Variants in CHN2 observed in about 807,000 individuals in gnomAD.
CHN2 encodes chimerin 2, also known as beta-chimaerin.
A neutral mutation model predicts 56.3 loss-of-function variants in CHN2; 35 were observed. The ratio of observed to expected loss-of-function variants is 0.62; its 90% confidence interval spans 0.47 to 0.82. CHN2 has a LOEUF of 0.82. Among genes scored for constraint, CHN2 ranks in the 40% least tolerant of loss-of-function variants. The pLI, the probability that CHN2 is intolerant of heterozygous loss-of-function variation, is 0.00. For missense variants in CHN2, 491 were observed against 580.5 expected, an observed-to-expected ratio of 0.85 and a Z score of 1.58; for synonymous variants, 210 against 212.8, an observed-to-expected ratio of 0.99 and a Z score of 0.12.
chr7:29,259,768 T>A (rs1328936691), intron 1 of CHN2, among the ~76,000 whole-genome samples: 1 of 152,170 alleles, frequency 6.6e-6, no homozygotes, highest in Non-Finnish European at 1.5e-5. Context: ...TGAGGATGTG[T>A]TAATTAATTT....
intron 1 of CHN2, among the ~76,000 whole-genome samples, chr7:29,245,048 C>T (rs1007634159): frequency 2.6e-5 from 4 of 152,164 alleles, no homozygotes; most frequent in Non-Finnish European, 5.9e-5. Context: ...TTTCCTGTAT[C>T]GATTTCTTCA....
intron 1 of CHN2, among the ~76,000 whole-genome samples, chr7:29,242,526 A>G (rs73684632): frequency 0.014 from 2,116 of 151,690 alleles, 42 homozygotes; most frequent in African/African-American, 0.047. Context: ...TGGGCTTCTC[A>G]GTTTTTTACG....
chr7:29,273,349 A>ATATATATATATATATATATGTG (rs1790852466), intron 1 of CHN2, among the ~76,000 whole-genome samples: 1 of 58,514 alleles, frequency 1.7e-5, no homozygotes, highest in Non-Finnish European at 3.2e-5. Flanking sequence ...ATGTGTATAT[A>ATATATATATATATATATATGTG]TATATATATA....
intron 1 of CHN2, among the ~76,000 whole-genome samples, chr7:29,288,003 T>C (rs767275200): frequency 5.9e-5 from 9 of 152,234 alleles, no homozygotes; most frequent in Non-Finnish European, 1.2e-4. Flanking sequence ...ATAACAAGCA[T>C]ATACTTTATG....
chr7:29,156,328 C>G (rs1197552873), intron 2 of CHN2, among the ~76,000 whole-genome samples: 1 of 152,074 alleles, frequency 6.6e-6, no homozygotes, highest in Admixed American at 6.6e-5. Context: ...GATTAAATGC[C>G]AAAATTAAGC....
intron 6 of CHN2, among the ~76,000 whole-genome samples, chr7:29,456,616 C>G (rs13221327): frequency 7.9e-6 from 1 of 126,836 alleles, no homozygotes; most frequent in African/African-American, 3.0e-5. Context: ...CCCGCCCCCT[C>G]CCCCCCACCA....
At chr7:29,431,349 C>G (rs1296418644) in intron 6 of CHN2, among the ~76,000 whole-genome samples, 5 of 152,216 alleles carry the variant, frequency 3.3e-5, no homozygotes, top group Non-Finnish European at 7.3e-5. Context: ...TAAATCTCTC[C>G]TCCCTTAGCC....
At chr7:29,185,033 T>G (rs1271744912) in intron 2 of CHN2, among the ~76,000 whole-genome samples, 1 of 152,202 alleles carries the variant, frequency 6.6e-6, no homozygotes, top group African/African-American at 2.4e-5. Context: ...CTGTCCAAGC[T>G]GAGGGTTTTA....
chr7:29,308,215 C>T (rs1222171274), intron 1 of CHN2, among the ~76,000 whole-genome samples: 2 of 152,178 alleles, frequency 1.3e-5, no homozygotes, highest in Non-Finnish European at 2.9e-5. Context: ...AGCTCCCACT[C>T]CTCCAGCTGT....
intron 1 of CHN2, among the ~76,000 whole-genome samples, chr7:29,257,277 C>T (rs1789148023): frequency 2.0e-5 from 3 of 152,164 alleles, no homozygotes; most frequent in Admixed American, 2.0e-4. Flanking sequence ...TTGGTCACAC[C>T]ACTGTGTCCT....
At chr7:29,507,061 A>G (rs1469038169) in intron 10 of CHN2, among the ~76,000 whole-genome samples, 167 bp from the exon 11 acceptor site, 1 of 152,094 alleles carries the variant, frequency 6.6e-6, no homozygotes, top group East Asian at 1.9e-4. Context: ...CCTCTCACCA[A>G]ACTCCTTTCT....
At chr7:29,150,758 G>T (rs1203035333) in intron 2 of CHN2, among the ~76,000 whole-genome samples, 2 of 152,210 alleles carry the variant, frequency 1.3e-5, no homozygotes, top group African/African-American at 4.8e-5. Context: ...TATAGCCATT[G>T]TTCCTTTTCA....
intron 2 of CHN2, among the ~76,000 whole-genome samples, chr7:29,181,993 TTAAA>T (rs1333050927): frequency 6.6e-6 from 1 of 152,228 alleles, no homozygotes; most frequent in Non-Finnish European, 1.5e-5. Context: ...GCAAAACATC[TTAAA>T]TAACATAAAT....
chr7:29,494,388 T>C (rs1395986125), intron 7 of CHN2, among the ~76,000 whole-genome samples: 1 of 152,174 alleles, frequency 6.6e-6, no homozygotes, highest in East Asian at 1.9e-4. Context: ...TCTAGTAAAA[T>C]ATTAAGAAAT....
In CHN2 at chr7:29,509,310, A is replaced by G. The variant is rs147471814; in HGVS notation, c.1139A>G (p.Asn380Ser). ...TGCGTGAACTTCACAGAAATCTCCA[A>G]TGCAGATGAGAGGCTGGAAGCCGTC... Reference protein sequence around the residue: ...SKFIDAAKISNADERLEAVHE... With the variant: ...SKFIDAAKISSADERLEAVHE... Residue 380 changes from asparagine to serine, a missense_variant, in exon 12 of 13, where the codon AAT becomes AGT. By Grantham distance (46) the Asn-to-Ser change is conservative. Transcript: ENST00000222792. The G allele has an allele frequency of 3.7e-4, 601 of 1,613,410 alleles. No homozygotes were observed. The highest frequency in any genetic ancestry group is 4.9e-4 in the Non-Finnish European group (576 of 1,179,472).
At chr7:29,427,283 T>A (rs1038490761) in intron 6 of CHN2, among the ~76,000 whole-genome samples, 4 of 152,192 alleles carry the variant, frequency 2.6e-5, no homozygotes, top group African/African-American at 9.7e-5. Context: ...GCCACTGCAC[T>A]GCTAGCCTGG....
At chr7:29,266,485 A>G (rs1485994747) in intron 1 of CHN2, among the ~76,000 whole-genome samples, 2 of 152,176 alleles carry the variant, frequency 1.3e-5, no homozygotes, top group Non-Finnish European at 2.9e-5. Flanking sequence ...TTGTTATTCT[A>G]ATGTGTCGCA....
exon 1 of CHN2, chr7:29,146,629 C>T (rs558382517): frequency 5.2e-5 from 80 of 1,550,590 alleles, no homozygotes; most frequent in South Asian, 2.7e-4. Context: ...GTGTCCCAAC[C>T]TCCTGGTCCC....
At chr7:29,331,854 G>T (rs1451918328) in intron 1 of CHN2, among the ~76,000 whole-genome samples, 1 of 151,956 alleles carries the variant, frequency 6.6e-6, no homozygotes, top group Non-Finnish European at 1.5e-5. Context: ...GAGGTCAGGA[G>T]TTTGAGACCA....
Sources: gnomAD v4.1 joint callset for allele counts (sites outside exome capture counted in the v4.1 genomes callset) on GRCh38, gnomAD v4.1.1 for gene constraint, MANE v1.5 for transcripts, NCBI Gene and HGNC (gene_info 2026-07-23, HGNC 2026-07-21) for gene names.